The following CRACD variants were observed in gnomAD, a reference collection of about 807,000 sequenced individuals.
The protein encoded by CRACD is capping protein-inhibiting regulator of actin dynamics.
CRACD carries 56 observed loss-of-function variants against 106.8 expected under a neutral mutation model. That is an observed-to-expected ratio of 0.52 (90% CI 0.42 to 0.66). The LOEUF (loss-of-function observed/expected upper bound fraction) is 0.66, where lower values mean the gene tolerates loss of function less well. CRACD is among the 30% of genes least tolerant of loss of function. CRACD has a pLI of 0.00. For missense variants in CRACD, 1,730 were observed against 1,623.2 expected, an observed-to-expected ratio of 1.07 and a Z score of -1.13; for synonymous variants, 754 against 670.8, an observed-to-expected ratio of 1.12 and a Z score of -1.92.
intron 2 of CRACD, among the ~76,000 whole-genome samples, chr4:56,217,351 G>A (rs1738757970): frequency 6.7e-6 from 1 of 150,156 alleles, no homozygotes; most frequent in Non-Finnish European, 1.5e-5. Flanking sequence ...GCTTCAGCTT[G>A]GTTTTATACA....
chr4:56,296,199 T>C (rs1744019566), intron 3 of CRACD, among the ~76,000 whole-genome samples: 1 of 152,170 alleles, frequency 6.6e-6, no homozygotes, highest in Non-Finnish European at 1.5e-5. Flanking sequence ...TCAGCAGATC[T>C]GAGTTCAGTT....
intron 2 of CRACD, among the ~76,000 whole-genome samples, chr4:56,230,406 C>G (rs1461484225): frequency 1.3e-5 from 2 of 152,150 alleles, no homozygotes; most frequent in Non-Finnish European, 2.9e-5. Flanking sequence ...ACAACATGTA[C>G]TGAGCACTGC....
chr4:56,052,830 A>G (rs186547255), intron 1 of CRACD, among the ~76,000 whole-genome samples: 30 of 152,302 alleles, frequency 2.0e-4, no homozygotes, highest in African/African-American at 7.0e-4. Context: ...ATGTTCCCTC[A>G]TAGTGATTTC....
At chr4:56,206,931 A>G (rs890741003) in intron 2 of CRACD, among the ~76,000 whole-genome samples, 7 of 152,156 alleles carry the variant, frequency 4.6e-5, no homozygotes, top group African/African-American at 1.7e-4. Flanking sequence ...CATTCTGGAG[A>G]TGGCTACATG....
chr4:56,084,856 G>A (rs1733160707), intron 1 of CRACD, among the ~76,000 whole-genome samples: 1 of 152,178 alleles, frequency 6.6e-6, no homozygotes, highest in Non-Finnish European at 1.5e-5. Context: ...AAGTTTCTAG[G>A]TGAGTTTTGA....
rs1050225295 is a variant in CRACD, at chr4:56,069,339, TG to T, written c.-336+20044del. Among the ~76,000 whole-genome samples the T allele has an allele frequency of 4.7e-4, 72 of 152,306 alleles. 1 individual carries two copies. In the Middle Eastern group the frequency reaches 0.014, roughly 29 times the overall value. On this transcript the variant is annotated intron_variant, in intron 1 of 10. Transcript: ENST00000682029. ...TGGATTTCATGGAAAAGATTGCTGT[TG>T]GGGTTACAAAGTTGAGAGTCTTTAG...
In CRACD at chr4:56,242,501, C is replaced by G. The variant is rs1197300442; in HGVS notation, c.-188-29820C>G. ...TTGGTGACACTAGGAGGCGTGTAGC[C>G]CTGAACTAGGATTTATGAAGACTGA... is the stretch of plus-strand genomic sequence containing the variant. On this transcript the variant is annotated intron_variant, in intron 2 of 10. Coordinates refer to ENST00000682029, the MANE Select transcript of CRACD (RefSeq NM_001393381.1). 2.0e-5 allele frequency among the ~76,000 whole-genome samples: 3 copies of G among 151,908 alleles called. No homozygotes were observed. The South Asian group carries it at 6.2e-4, about 31-fold the overall frequency.
chr4:56,251,756 G>A (rs1741066490), intron 2 of CRACD, among the ~76,000 whole-genome samples: 1 of 152,194 alleles, frequency 6.6e-6, no homozygotes, highest in Admixed American at 6.5e-5. Context: ...CGCTCTGGCA[G>A]CTCTCAGCTT....
chr4:56,064,156 C>T (rs1192266645), intron 1 of CRACD, among the ~76,000 whole-genome samples: 6 of 152,106 alleles, frequency 3.9e-5, no homozygotes, highest in African/African-American at 7.2e-5. Context: ...TTTGGAGAAA[C>T]GTCTGTTCAA....
At chr4:56,283,631 G>A (rs1486122762) in intron 3 of CRACD, among the ~76,000 whole-genome samples, 1 of 152,188 alleles carries the variant, frequency 6.6e-6, no homozygotes, top group East Asian at 1.9e-4. Flanking sequence ...GCTTCTAGGA[G>A]GAGCAGTTAC....
intron 1 of CRACD, among the ~76,000 whole-genome samples, chr4:56,132,612 T>C (rs1734862295): frequency 6.6e-6 from 1 of 152,136 alleles, no homozygotes; most frequent in East Asian, 1.9e-4. Flanking sequence ...GTGTTATCTG[T>C]CTTCTCTGTT....
In CRACD at chr4:56,323,369, C is replaced by T. The variant is rs778707385; in HGVS notation, c.3188-8C>T. 8.2e-6 allele frequency: 13 copies of T among 1,589,506 alleles called. No individual in the cohort carries two copies. In the African/African-American group the frequency reaches 1.6e-4, roughly 20 times the overall value. On this transcript the variant is annotated splice_polypyrimidine_tract_variant and splice_region_variant and intron_variant, in intron 8 of 10. Coordinates refer to ENST00000682029, the MANE Select transcript of CRACD (RefSeq NM_001393381.1). ...ATTGCAAACCGTTCTTTGTCTTATT[C>T]CCCACAGAGAAGCCGATGCTTCAGA...
intron 1 of CRACD, among the ~76,000 whole-genome samples, chr4:56,142,714 G>C (rs1192618337): frequency 6.6e-6 from 1 of 151,948 alleles, no homozygotes; most frequent in South Asian, 2.1e-4. Flanking sequence ...GATATAGTTA[G>C]GTATGAATTA....
intron 3 of CRACD, among the ~76,000 whole-genome samples, chr4:56,276,913 A>G (rs1742705023): frequency 6.6e-6 from 1 of 152,234 alleles, no homozygotes; most frequent in African/African-American, 2.4e-5. Context: ...TGCCAGATGT[A>G]AGCACAGTGA....
chr4:56,212,089 T>C (rs996811206), intron 2 of CRACD, among the ~76,000 whole-genome samples: 6 of 152,002 alleles, frequency 3.9e-5, no homozygotes, highest in Non-Finnish European at 8.8e-5. Context: ...GCTGATGAAA[T>C]GGGATGCAGT....
rs1340564605 is a variant in CRACD at position 56,327,829 on chromosome 4, T to C, written c.*25T>C. 1.9e-6 allele frequency: 3 copies of C among 1,592,054 alleles called. No homozygotes were observed. The highest frequency in any genetic ancestry group is 2.6e-6 in the Non-Finnish European group (3 of 1,164,080). On this transcript the variant is annotated 3_prime_UTR_variant, in exon 11 of 11. Transcript: ENST00000682029. ...AAGAGTGACTCTCACCCATCCCTACTGCCAGTTATTGGCTCCTCTCTTGCC... is the reference window on the plus strand; with the variant it reads ...AAGAGTGACTCTCACCCATCCCTACCGCCAGTTATTGGCTCCTCTCTTGCC...
intron 2 of CRACD, among the ~76,000 whole-genome samples, chr4:56,269,351 C>G (rs931129061): frequency 3.3e-5 from 5 of 151,902 alleles, no homozygotes; most frequent in African/African-American, 1.2e-4. Context: ...CCACTGCACT[C>G]CAACCTGGGC....
At chr4:56,116,376 A>G (rs1027887537) in intron 1 of CRACD, among the ~76,000 whole-genome samples, 10 of 152,190 alleles carry the variant, frequency 6.6e-5, no homozygotes, top group East Asian at 3.9e-4. Context: ...CTTCATTTCT[A>G]TGGGGTAGAT....
At chr4:56,304,696 T>G (rs1308848573) in intron 4 of CRACD, among the ~76,000 whole-genome samples, 43 of 152,074 alleles carry the variant, frequency 2.8e-4, no homozygotes, top group Admixed American at 2.8e-3. Flanking sequence ...GTGGGAGAAT[T>G]CCTTGAGCCC....
Sources: allele counts gnomAD v4.1 joint callset (sites outside exome capture counted in the v4.1 genomes callset), GRCh38; gene constraint gnomAD v4.1.1; transcripts MANE v1.5; gene names NCBI Gene and HGNC (gene_info 2026-07-23, HGNC 2026-07-21).